Variants in ELL observed in about 807,000 individuals in gnomAD.
ELL encodes elongation factor for RNA polymerase II.
Under a neutral mutation model 64.0 loss-of-function variants are expected in ELL, and 18 were observed. That is an observed-to-expected ratio of 0.28 (90% CI 0.19 to 0.42). The LOEUF is 0.42. Among genes scored for constraint, ELL ranks in the 10% least tolerant of loss-of-function variants. The pLI is 1.00. For synonymous variants in ELL, 399 were observed against 376.2 expected, an observed-to-expected ratio of 1.06 and a Z score of -0.70; for missense variants, 797 against 870.4, an observed-to-expected ratio of 0.92 and a Z score of 1.06.
Position 18,444,114 on chromosome 19 carries a change from T to C in ELL, c.*638A>G. The C allele has an allele frequency of 4.3e-6, 1 of 229,906 alleles. No homozygotes were observed. Among genetic ancestry groups the C allele is most frequent in the Non-Finnish European group, 8.6e-6 (1 of 116,038 alleles). The allele number at this position is 229,906 out of a possible 1,614,324, so 14.2% of individuals were successfully genotyped here. A position where few individuals can be genotyped will look rare whatever the true frequency, so the allele number is the denominator to read the frequency against. ...GGGGCACCAGCTGGAGTTCTCAAAA[T>C]AGCCACCTGGGCCACCCTGTTTGCT... is the stretch of plus-strand genomic sequence containing the variant. On this transcript the variant is annotated 3_prime_UTR_variant, in exon 12 of 12. Transcript: ENST00000262809.
At chr19:18,468,018 ACAC>A (rs1974987326) in intron 2 of ELL, among the ~76,000 whole-genome samples, 1 of 144,598 alleles carries the variant, frequency 6.9e-6, no homozygotes, top group Admixed American at 6.9e-5. Context: ...CAACCCACAC[ACAC>A]AACCCACACA....
intron 6 of ELL, among the ~76,000 whole-genome samples, chr19:18,454,968 CA>C (rs1456585607): frequency 6.6e-6 from 1 of 150,826 alleles, no homozygotes; most frequent in African/African-American, 2.4e-5. Flanking sequence ...GGTGAAACCC[CA>C]GATCTACTAA....
At chr19:18,473,344 A>C in intron 1 of ELL, 1 of 371,296 alleles carries the variant, frequency 2.7e-6, no homozygotes, top group Non-Finnish European at 5.5e-6. Context: ...AGCCCCCTCC[A>C]CTCTCACAGC....
intron 6 of ELL, among the ~76,000 whole-genome samples, chr19:18,455,165 G>C (rs1016888173): frequency 4.0e-5 from 6 of 148,708 alleles, no homozygotes; most frequent in African/African-American, 1.2e-4. Context: ...AAGAAAGAAA[G>C]AAAGAAAAAG....
At position 18,467,668 on chromosome 19, in the gene ELL, CACACAA is replaced by C. The variant is rs1296612709; in HGVS notation, c.184-1756_184-1751del. Among the ~76,000 whole-genome samples the C allele has an allele frequency of 1.4e-3, 138 of 96,946 alleles. 2 individuals carry two copies. The highest frequency in any genetic ancestry group is 2.6e-3 in the Non-Finnish European group (128 of 48,900). The allele number at this position is 96,946 out of a possible 152,430, so 63.6% of individuals were successfully genotyped here. On this transcript the variant is annotated intron_variant, in intron 2 of 11. Coordinates refer to ENST00000262809, the MANE Select transcript of ELL (RefSeq NM_006532.4). Reference sequence around the variant, plus strand: ...ACACACACACACACACACACACACACACACAAACACAACCCCTCCACACACAATCTC... The same window carrying C: ...ACACACACACACACACACACACACACACACAACCCCTCCACACACAATCTC...
At chr19:18,499,073 A>T (rs1035931641) in intron 1 of ELL, among the ~76,000 whole-genome samples, 1 of 152,126 alleles carries the variant, frequency 6.6e-6, no homozygotes, top group Admixed American at 6.5e-5. Context: ...GCCAGGAGGG[A>T]AGCCTGGCCT....
chr19:18,447,639 A>T (rs761906527), intron 8 of ELL, among the ~76,000 whole-genome samples: 2 of 152,216 alleles, frequency 1.3e-5, no homozygotes, highest in Non-Finnish European at 2.9e-5. Flanking sequence ...AGGGTCTGGA[A>T]ATCAGGGAGG....
At chr19:18,519,271 A>G (rs1444032821) in intron 1 of ELL, among the ~76,000 whole-genome samples, 2 of 151,984 alleles carry the variant, frequency 1.3e-5, no homozygotes, top group Non-Finnish European at 2.9e-5. Flanking sequence ...AGCCCTCTCC[A>G]CAAGTTGCAA....
chr19:18,445,400 CA>C (rs1174113484), intron 10 of ELL, 132 bp from the exon 11 acceptor site: 1 of 953,558 alleles, frequency 1.0e-6, no homozygotes, highest in African/African-American at 1.6e-5. Flanking sequence ...GGCCAAGTAA[CA>C]CCCCAGGGGC....
At chr19:18,464,912 T>C (rs900959883) in intron 4 of ELL, among the ~76,000 whole-genome samples, 14 of 152,232 alleles carry the variant, frequency 9.2e-5, no homozygotes, top group African/African-American at 1.4e-4. Flanking sequence ...GCTGGGTCGC[T>C]GGCAACAGGG....
At chr19:18,512,808 G>C (rs1976053581) in intron 1 of ELL, among the ~76,000 whole-genome samples, 1 of 152,192 alleles carries the variant, frequency 6.6e-6, no homozygotes, top group Admixed American at 6.5e-5. Context: ...GAGGCTCAGG[G>C]AGGGTGCCAG....
intron 1 of ELL, among the ~76,000 whole-genome samples, chr19:18,489,018 G>T (rs896749730): frequency 1.3e-5 from 2 of 152,242 alleles, no homozygotes; most frequent in Non-Finnish European, 2.9e-5. Context: ...CCACCTGCAG[G>T]GGGTGTGGAG....
intron 5 of ELL, 130 bp from the exon 6 acceptor site, chr19:18,458,459 G>C (rs1974730252): frequency 2.1e-6 from 3 of 1,404,782 alleles, no homozygotes; most frequent in African/African-American, 1.4e-5. Context: ...CAGAGGAGAG[G>C]AAAGAGGATG....
intron 10 of ELL, 83 bp downstream of exon 10, chr19:18,446,226 G>GCAGGCCA (rs1195355271): frequency 1.3e-5 from 18 of 1,339,318 alleles, no homozygotes; most frequent in Non-Finnish European, 1.7e-5. Context: ...GGGCCACCAA[G>GCAGGCCA]CTCGTGGTGG....
chr19:18,455,421 C>T (rs1357068999), intron 6 of ELL, among the ~76,000 whole-genome samples: 18 of 148,522 alleles, frequency 1.2e-4, no homozygotes, highest in African/African-American at 4.2e-4. Flanking sequence ...ACCCAGGAGG[C>T]GGAGGTTGCA....
At chr19:18,470,512 G>A (rs1975042725) in intron 2 of ELL, among the ~76,000 whole-genome samples, 1 of 152,266 alleles carries the variant, frequency 6.6e-6, no homozygotes, top group Non-Finnish European at 1.5e-5. Flanking sequence ...AATGTCCTGG[G>A]GAAGGTAAAA....
intron 6 of ELL, 109 bp downstream of exon 6, chr19:18,458,096 A>T: frequency 6.5e-7 from 1 of 1,543,494 alleles, no homozygotes; most frequent in Non-Finnish European, 8.7e-7. Flanking sequence ...TCCTGCTCCC[A>T]AGCCCTGTGG....
chr19:18,465,313 G>T, intron 4 of ELL, 99 bp downstream of exon 4: 2 of 1,453,076 alleles, frequency 1.4e-6, no homozygotes, highest in Non-Finnish European at 9.1e-7. Flanking sequence ...TCATTTCTGT[G>T]CAGGGCACAG....
At chr19:18,498,954 AAAC>A (rs141036344) in intron 1 of ELL, among the ~76,000 whole-genome samples, 44,193 of 151,718 alleles carry the variant, frequency 0.29, 7,704 homozygotes, top group African/African-American at 0.49. Context: ...CTTCTCCAAA[AAAC>A]AACAACAACA....
Sources: gnomAD v4.1 joint callset for allele counts (sites outside exome capture counted in the v4.1 genomes callset) on GRCh38, gnomAD v4.1.1 for gene constraint, MANE v1.5 for transcripts, NCBI Gene and HGNC (gene_info 2026-07-23, HGNC 2026-07-21) for gene names.